The following ABHD12 variants were observed in gnomAD, a reference collection of about 807,000 sequenced individuals.
ABHD12 encodes abhydrolase domain containing 12, lysophospholipase, also known as lysophosphatidylserine lipase ABHD12.
A neutral mutation model predicts 58.3 loss-of-function variants in ABHD12; 43 were observed. That is an observed-to-expected ratio of 0.74 (90% CI 0.58 to 0.95). ABHD12 has a LOEUF of 0.95. Ranked by LOEUF, ABHD12 falls within the 40% of genes least tolerant of loss-of-function variation. ABHD12 has a pLI of 0.00. For missense variants in ABHD12, 539 were observed against 537.2 expected (o/e 1.00, Z -0.03); for synonymous variants, 219 against 211.2 (o/e 1.04, Z -0.32).
chr20:25,304,311 T>A (rs1453910617), intron 10 of ABHD12, among the ~76,000 whole-genome samples: 1 of 152,242 alleles, frequency 6.6e-6, no homozygotes, highest in Non-Finnish European at 1.5e-5. Flanking sequence ...CACTCTTGCT[T>A]CCCAGTAAGG....
rs533537781 is a variant in ABHD12 at position 25,331,157 on chromosome 20, C to T, written c.317-7727G>A. Among the ~76,000 whole-genome samples the T allele has an allele frequency of 5.7e-4, 87 of 152,126 alleles. 2 individuals are homozygous for T. The South Asian group carries it at 0.017, about 30-fold the overall frequency. The stretch of plus-strand genomic sequence containing the variant: ...GCTGAAAACCAAGGCTCGAGAACTA[C>T]GTGAAGAATGCAGAAACCTCAGGAG... On this transcript the variant is annotated intron_variant, in intron 2 of 12. Coordinates refer to ENST00000339157, the MANE Select transcript of ABHD12 (RefSeq NM_001042472.3).
At chr20:25,318,640 T>C (rs1466420090) in intron 4 of ABHD12, among the ~76,000 whole-genome samples, 1 of 149,084 alleles carries the variant, frequency 6.7e-6, no homozygotes, top group Non-Finnish European at 1.5e-5. Flanking sequence ...CATCCCTTTC[T>C]AACCTAAAGT....
In ABHD12 at chr20:25,323,312, C is replaced by T; in HGVS notation, c.422+13G>A. 1 of 1,578,114 alleles carries T rather than the reference C, an allele frequency of 6.3e-7. No individual in the cohort carries two copies. The highest frequency in any genetic ancestry group is 8.7e-7 in the Non-Finnish European group (1 of 1,147,118). On this transcript the variant is annotated intron_variant, in intron 3 of 12. Transcript: ENST00000339157. ...CTGCTGCTGGAGGGGCTGCAGAGCT[C>T]ACTGGCACTCACCAGACTCCAATGG...
At chr20:25,363,639 G>A (rs1368827646) in intron 1 of ABHD12, among the ~76,000 whole-genome samples, 2 of 152,146 alleles carry the variant, frequency 1.3e-5, no homozygotes, top group African/African-American at 4.8e-5. Flanking sequence ...GGCCAAGGCA[G>A]GTGGATTACC....
intron 1 of ABHD12, among the ~76,000 whole-genome samples, chr20:25,340,729 A>C (rs1371214038): frequency 6.6e-6 from 1 of 152,260 alleles, no homozygotes; most frequent in African/African-American, 2.4e-5. Context: ...GTTATGTTAA[A>C]TAAGACATCC....
At chr20:25,334,770 G>T (rs2146020643) in intron 2 of ABHD12, among the ~76,000 whole-genome samples, 1 of 148,956 alleles carries the variant, frequency 6.7e-6, no homozygotes, top group South Asian at 2.2e-4. Flanking sequence ...AGCTGAAACT[G>T]GATCCCTTCC....
intron 1 of ABHD12, among the ~76,000 whole-genome samples, chr20:25,384,952 C>T (rs1473272363): frequency 6.6e-6 from 1 of 152,070 alleles, no homozygotes; most frequent in East Asian, 1.9e-4. Context: ...GAGCACAAAA[C>T]ATGTGTGTGT....
intron 1 of ABHD12, among the ~76,000 whole-genome samples, chr20:25,354,496 C>T (rs960619731): frequency 6.6e-6 from 1 of 152,186 alleles, no homozygotes; most frequent in African/African-American, 2.4e-5. Context: ...GCTATTCATG[C>T]CTCATAGTCT....
chr20:25,324,988 C>T (rs1056849871), intron 2 of ABHD12, among the ~76,000 whole-genome samples: 18 of 151,902 alleles, frequency 1.2e-4, no homozygotes, highest in Admixed American at 1.1e-3. Context: ...GCTCACATGA[C>T]GGAGCTGGAT....
intron 2 of ABHD12, among the ~76,000 whole-genome samples, chr20:25,329,816 A>G (rs1219841328): frequency 6.6e-6 from 1 of 152,218 alleles, no homozygotes; most frequent in Admixed American, 6.5e-5. Context: ...TACCTGATGC[A>G]GGCTTACAGG....
intron 1 of ABHD12, among the ~76,000 whole-genome samples, chr20:25,372,567 G>A (rs2089912123): frequency 1.3e-5 from 2 of 152,274 alleles, no homozygotes; most frequent in South Asian, 4.1e-4. Context: ...TTTGGGGTGG[G>A]AGGAATGACA....
chr20:25,312,341 A>T (rs560596384), intron 6 of ABHD12, among the ~76,000 whole-genome samples: 1 of 151,884 alleles, frequency 6.6e-6, no homozygotes, highest in African/African-American at 2.4e-5. Flanking sequence ...GCCATGCCTG[A>T]CTGGTTTTCG....
rs2089876999 is a variant in ABHD12 at position 25,369,917 on chromosome 20, GTC to G, written c.191+20594_191+20595del. Among the ~76,000 whole-genome samples, 9 of 81,040 alleles carry G rather than the reference GTC, an allele frequency of 1.1e-4. No individual in the cohort carries two copies. In the South Asian group the frequency reaches 4.4e-3, roughly 40 times the overall value. The allele number at this position is 81,040 out of a possible 152,430, so 53.2% of individuals were successfully genotyped here. A position where few individuals can be genotyped will look rare whatever the true frequency, so the allele number is the denominator to read the frequency against. ...CAGCACAGCAAGACCCTGTTTCTCT[GTC>G]TCTGTTATAAAAAAAAAAAAAAAAA... On this transcript the variant is annotated intron_variant, in intron 1 of 12. Transcript: ENST00000339157.
rs758316679 is a variant in ABHD12, at chr20:25,339,350, G to T, written c.193C>A (p.Arg65=). Residue 65 remains arginine (R), a splice_region_variant and synonymous_variant, in exon 2 of 13, where the codon CGA becomes AGA. Transcript: ENST00000339157. ...DAGMKRALGR[R]KGVWLRLRKI... is the part of the protein sequence containing the mutation. ...CTCAGGCGCAACCACACGCCCTTTC[G>T]CCTGCAAGAGAAAAGCAATGAATAG... 1 of 1,613,972 alleles carries T rather than the reference G, an allele frequency of 6.2e-7. No individual in the cohort carries two copies. The highest frequency in any genetic ancestry group is 8.5e-7 in the Non-Finnish European group (1 of 1,179,978).
intron 1 of ABHD12, among the ~76,000 whole-genome samples, chr20:25,352,631 A>G (rs2089616689): frequency 6.6e-6 from 1 of 152,202 alleles, no homozygotes; most frequent in Admixed American, 6.5e-5. Flanking sequence ...AAATGAAGGG[A>G]CTGCTAATTA....
At position 25,300,823 on chromosome 20, in the gene ABHD12, T is replaced by G. The variant is rs377339443; in HGVS notation, c.*22A>C. The G allele has an allele frequency of 6.2e-7, 1 of 1,614,070 alleles. No individual in the cohort carries two copies. The highest frequency in any genetic ancestry group is 1.7e-5 in the Admixed American group (1 of 60,018). On this transcript the variant is annotated 3_prime_UTR_variant, in exon 13 of 13. Coordinates refer to ENST00000339157, the MANE Select transcript of ABHD12 (RefSeq NM_001042472.3). ...AACGGGAGGAGGGCAGAGGTCTTCA[T>G]GCTTCCTTCCCACGGCCAGGCTCAG... is the stretch of plus-strand genomic sequence containing the variant.
intron 10 of ABHD12, among the ~76,000 whole-genome samples, chr20:25,304,678 C>G (rs972160999): frequency 6.6e-6 from 1 of 152,102 alleles, no homozygotes; most frequent in African/African-American, 2.4e-5. Flanking sequence ...AGTGATTCTC[C>G]TGCTTCAGCC....
intron 1 of ABHD12, among the ~76,000 whole-genome samples, chr20:25,358,461 G>A (rs2089697500): frequency 6.6e-6 from 1 of 152,152 alleles, no homozygotes; most frequent in Admixed American, 6.5e-5. Context: ...ATCCTCATGG[G>A]CAACAGTGAA....
intron 1 of ABHD12, among the ~76,000 whole-genome samples, chr20:25,358,003 C>G (rs924109604): frequency 3.3e-5 from 5 of 151,912 alleles, no homozygotes; most frequent in Admixed American, 2.0e-4. Flanking sequence ...AGAGTGAGAC[C>G]CTGTCTCAAA....
Sources: allele counts gnomAD v4.1 joint callset (sites outside exome capture counted in the v4.1 genomes callset), GRCh38; gene constraint gnomAD v4.1.1; transcripts MANE v1.5; gene names NCBI Gene and HGNC (gene_info 2026-07-23, HGNC 2026-07-21).